BICRA: variants seen among roughly 807,000 people sequenced by gnomAD.
The protein encoded by BICRA is BRD4 interacting chromatin remodeling complex associated protein, also known as BRD4-interacting chromatin-remodeling complex-associated protein.
BICRA carries 31 observed loss-of-function variants against 96.9 expected under a neutral mutation model. That is an observed-to-expected ratio of 0.32 (90% CI 0.24 to 0.43). The LOEUF (loss-of-function observed/expected upper bound fraction) is 0.43. BICRA is among the 20% of genes least tolerant of loss of function. The pLI, the probability that BICRA is intolerant of heterozygous loss-of-function variation, is 1.00. For missense variants in BICRA, 2,283 were observed against 2,190.3 expected, an observed-to-expected ratio of 1.04 and a Z score of -0.84; for synonymous variants, 1,350 against 1,071.8, an observed-to-expected ratio of 1.26 and a Z score of -5.07.
intron 1 of BICRA, among the ~76,000 whole-genome samples, chr19:47,635,628 C>T (rs1031002041): frequency 3.2e-4 from 49 of 152,238 alleles, no homozygotes; most frequent in African/African-American, 1.2e-3. Flanking sequence ...TGGCCCCCAG[C>T]CCCTGCAAAA....
At chr19:47,669,486 C>T (rs1972830872) in intron 1 of BICRA, among the ~76,000 whole-genome samples, 2 of 151,776 alleles carry the variant, frequency 1.3e-5, no homozygotes, top group African/African-American at 4.8e-5. Context: ...TTTTGTTATA[C>T]TGAAGTGCCA....
intron 1 of BICRA, among the ~76,000 whole-genome samples, chr19:47,658,359 C>T (rs2974204): frequency 6.6e-6 from 1 of 151,956 alleles, no homozygotes; most frequent in East Asian, 1.9e-4. Context: ...GTGTTTGATA[C>T]AAGAACAAGA....
At chr19:47,659,371 A>G (rs1157972661) in intron 1 of BICRA, among the ~76,000 whole-genome samples, 1 of 152,034 alleles carries the variant, frequency 6.6e-6, no homozygotes, top group Non-Finnish European at 1.5e-5. Flanking sequence ...AAGAATCAAC[A>G]TTTTTTTCCC....
At chr19:47,660,739 C>G (rs1250332556) in intron 1 of BICRA, among the ~76,000 whole-genome samples, 1 of 152,174 alleles carries the variant, frequency 6.6e-6, no homozygotes. Context: ...GATGGCCAGG[C>G]TGGCATCATC....
chr19:47,650,887 A>T (rs926244876), intron 1 of BICRA, among the ~76,000 whole-genome samples: 12 of 152,118 alleles, frequency 7.9e-5, no homozygotes, highest in African/African-American at 2.7e-4. Flanking sequence ...CAGCCCGCAC[A>T]GCCTGACACC....
chr19:47,654,275 G>A (rs1052003335), intron 1 of BICRA, among the ~76,000 whole-genome samples: 7 of 152,066 alleles, frequency 4.6e-5, no homozygotes, highest in Non-Finnish European at 1.0e-4. Flanking sequence ...GCACTTCCCT[G>A]GTGGCTAATG....
intron 1 of BICRA, among the ~76,000 whole-genome samples, chr19:47,656,000 C>T (rs941302975): frequency 6.6e-6 from 1 of 150,720 alleles, no homozygotes; most frequent in Admixed American, 6.6e-5. Context: ...TTTGGGAGGC[C>T]AAGGTGGGAG....
intron 1 of BICRA, among the ~76,000 whole-genome samples, chr19:47,623,418 C>T (rs1279673526): frequency 6.6e-6 from 1 of 152,148 alleles, no homozygotes; most frequent in African/African-American, 2.4e-5. Context: ...CAGGTGTTCA[C>T]CATCTCCCTG....
chr19:47,650,744 A>G (rs1308569682), intron 1 of BICRA, among the ~76,000 whole-genome samples: 1 of 152,084 alleles, frequency 6.6e-6, no homozygotes. Flanking sequence ...TCTTCTCTTA[A>G]TAAGGTGATC....
chr19:47,670,416 ACTGT>A (rs1315600925), intron 1 of BICRA, 23 bp from the exon 2 acceptor site: 2 of 151,714 alleles, frequency 1.3e-5, no homozygotes, highest in Admixed American at 6.6e-5. Flanking sequence ...TTTCTCACTC[ACTGT>A]CTGTCTCTCA....
chr19:47,699,006 C>T lies in BICRA; in HGVS notation c.3439C>T (p.Arg1147Cys), dbSNP rs1159605587. The change falls in exon 13 of 15, where the codon CGC (arginine) becomes TGC (cysteine). Residue 1147 changes from arginine (R) to cysteine (C), a missense_variant. Arg to Cys is a radical substitution (Grantham distance 180, BLOSUM62 -3). Transcript: ENST00000594866. This position sits in a 1 kb window ranked among gnomAD's most constrained non-coding sequence, Gnocchi z 5.0. ...GACGGTCTCCACGCAGCTGCTGAAA[C>T]GCACCCAGGCCATGCTCAATAAATA... is the stretch of plus-strand genomic sequence containing the variant. ...FETVSTQLLKRTQAMLNKYRL... is the reference protein window; with the variant it reads ...FETVSTQLLKCTQAMLNKYRL... 2.5e-6 allele frequency: 4 copies of T among 1,587,540 alleles called. No individual in the cohort carries two copies. The highest frequency in any genetic ancestry group is 2.7e-5 in the African/African-American group (2 of 74,136).
At chr19:47,657,607 A>G (rs1010167760) in intron 1 of BICRA, among the ~76,000 whole-genome samples, 1 of 152,070 alleles carries the variant, frequency 6.6e-6, no homozygotes, top group Non-Finnish European at 1.5e-5. Context: ...TGTGTTAGCC[A>G]GGATGGTCTC....
In BICRA at chr19:47,694,331, A is replaced by G. The variant is rs373073593; in HGVS notation, c.2500A>G (p.Ile834Val). Residue 834 changes from isoleucine (I) to valine (V), a missense_variant, in exon 8 of 15, where the codon ATC becomes GTC. Transcript: ENST00000594866. ...CCAGGCCCCCCCAACTCTGCCTGGC[A>G]TCTTTGTCATCCAAAACCAGCTAGG... ...PPQAPPTLPGIFVIQNQLGVP... is the reference protein window; with the variant it reads ...PPQAPPTLPGVFVIQNQLGVP... The G allele has an allele frequency of 3.2e-4, 248 of 779,362 alleles. 1 individual carries two copies. In the African/African-American group the frequency reaches 5.0e-3, roughly 16 times the overall value. The allele number at this position is 779,362 out of a possible 1,614,324, so 48.3% of individuals were successfully genotyped here. A position where few individuals can be genotyped will look rare whatever the true frequency, so the allele number is the denominator to read the frequency against.
rs1261830947 is a variant in BICRA, at chr19:47,699,098, C to G, written c.3492+39C>G. On this transcript the variant is annotated intron_variant, in intron 13 of 14. Transcript: ENST00000594866. The surrounding 1 kb of genome is among the most constrained non-coding windows in gnomAD (Gnocchi z 5.0). ...CGCCTTCCTCGCCTCTGGGCTCCTC[C>G]TCGCTGGGACACTGCCCCTTTCCCT... 7.6e-7 allele frequency: 1 copy of G among 1,323,050 alleles called. No individual in the cohort carries two copies. Among genetic ancestry groups the G allele is most frequent in the African/African-American group, 1.5e-5 (1 of 68,862 alleles). 82.0% of individuals were successfully genotyped at this position (1,323,050 alleles called of 1,614,324 possible).
At chr19:47,621,857 T>C (rs1972069466) in intron 1 of BICRA, among the ~76,000 whole-genome samples, 1 of 152,110 alleles carries the variant, frequency 6.6e-6, no homozygotes, top group Admixed American at 6.5e-5. Context: ...AATAGTGCGA[T>C]CTTGGCTCAC....
intron 1 of BICRA, among the ~76,000 whole-genome samples, chr19:47,648,316 CGGTCAGGCCTA>C (rs1281305582): frequency 6.6e-6 from 1 of 151,946 alleles, no homozygotes; most frequent in African/African-American, 2.4e-5. Context: ...GGATGTGTCC[CGGTCAGGCCTA>C]GGTCAGGCGC....
rs535067463 is a variant in BICRA at position 47,629,812 on chromosome 19, C to T, written c.-108+20644C>T. On this transcript the variant is annotated intron_variant, in intron 1 of 14. Transcript: ENST00000594866. ...AGCTGGGATTACAGGCACCCACCAC[C>T]ATACCCAGCTAATTTTTGTATTTTT... Among the ~76,000 whole-genome samples, 3 of 152,252 alleles carry T rather than the reference C, an allele frequency of 2.0e-5. No homozygotes were observed. In the South Asian group the frequency reaches 6.2e-4, roughly 32 times the overall value.
In BICRA at chr19:47,679,809, C is replaced by T; in HGVS notation, c.639C>T (p.Gly213=). The change falls in exon 6 of 15, where the codon GGC becomes GGT. Residue 213 remains glycine (G), a synonymous_variant. Coordinates refer to ENST00000594866, the MANE Select transcript of BICRA (RefSeq NM_001394372.1). ...LGNVTLQPIP[G]LQGLPNGSPG... is the part of the protein sequence containing the mutation. ...ATGTGACACTGCAGCCCATCCCGGGCCTCCAAGGCCTGCCCAATGGCAGCC... is the reference window on the plus strand; with the variant it reads ...ATGTGACACTGCAGCCCATCCCGGGTCTCCAAGGCCTGCCCAATGGCAGCC... 6.7e-7 allele frequency: 1 copy of T among 1,483,884 alleles called. No individual in the cohort carries two copies. Among genetic ancestry groups the T allele is most frequent in the Non-Finnish European group, 8.9e-7 (1 of 1,119,628 alleles). 91.9% of individuals were successfully genotyped at this position (1,483,884 alleles called of 1,614,324 possible).
chr19:47,674,697 G>T (rs1972915893), intron 4 of BICRA, among the ~76,000 whole-genome samples: 1 of 152,196 alleles, frequency 6.6e-6, no homozygotes, highest in Non-Finnish European at 1.5e-5. Context: ...ACTCATTCCT[G>T]TGGCTGTTGG....
Sources: allele counts gnomAD v4.1 joint callset (sites outside exome capture counted in the v4.1 genomes callset), GRCh38; gene constraint gnomAD v4.1.1; non-coding constraint Gnocchi (gnomAD v3.1); transcripts MANE v1.5; gene names NCBI Gene and HGNC (gene_info 2026-07-23, HGNC 2026-07-21).